The following ABCA13 variants were observed in gnomAD, a reference collection of about 807,000 sequenced individuals.
ABCA13 encodes ATP-binding cassette sub-family A member 13.
A neutral mutation model predicts 478.7 loss-of-function variants in ABCA13; 476 were observed. The ratio of observed to expected loss-of-function variants is 0.99; its 90% CI spans 0.92 to 1.07. ABCA13 has a LOEUF of 1.07. Among genes scored for constraint, ABCA13 ranks in the 50% least tolerant of loss-of-function variants. The probability of loss-of-function intolerance (pLI) is 0.00; values close to 1 mark genes in which losing one functional copy is unlikely to be tolerated. For synonymous variants in ABCA13, 2,252 were observed against 2,158.9 expected (o/e 1.04, Z -1.20); for missense variants, 6,060 against 5,910.6 (o/e 1.03, Z -0.83).
At chr7:48,549,642 C>CT (rs201838546) in intron 55 of ABCA13, among the ~76,000 whole-genome samples, 21,266 of 151,772 alleles carry the variant, frequency 0.14, 2,055 homozygotes, top group African/African-American at 0.23. Flanking sequence ...AATCACCACA[C>CT]GTCTTCCACA....
chr7:48,611,238 T>C (rs189593885), intron 58 of ABCA13, among the ~76,000 whole-genome samples: 2 of 152,324 alleles, frequency 1.3e-5, no homozygotes, highest in African/African-American at 4.8e-5. Context: ...CCTTGACTTA[T>C]TGTCTGTATC....
chr7:48,292,439 G>A (rs1421456999), intron 20 of ABCA13, among the ~76,000 whole-genome samples: 1 of 152,004 alleles, frequency 6.6e-6, no homozygotes, highest in African/African-American at 2.4e-5. Context: ...TCCCTAATGC[G>A]GTAGCCAGAG....
At chr7:48,393,816 C>A (rs1816431349) in intron 38 of ABCA13, among the ~76,000 whole-genome samples, 1 of 152,214 alleles carries the variant, frequency 6.6e-6, no homozygotes, top group South Asian at 2.1e-4. Context: ...TTCCACCCTT[C>A]CTTTTACTTG....
intron 38 of ABCA13, among the ~76,000 whole-genome samples, chr7:48,397,236 C>T (rs1383000642): frequency 2.0e-5 from 3 of 152,000 alleles, no homozygotes; most frequent in Non-Finnish European, 4.4e-5. Context: ...CAGCATATTG[C>T]TAGTTCCAGA....
chr7:48,639,347 T>A (rs2131679257), intron 59 of ABCA13, among the ~76,000 whole-genome samples: 1 of 152,332 alleles, frequency 6.6e-6, no homozygotes, highest in Middle Eastern at 3.4e-3. Flanking sequence ...TGAGGACAGA[T>A]CACTGGAATT....
At chr7:48,518,333 C>G (rs772291895) in intron 52 of ABCA13, among the ~76,000 whole-genome samples, 37 of 152,122 alleles carry the variant, frequency 2.4e-4, no homozygotes, top group Non-Finnish European at 4.4e-4. Context: ...TGGTGAGGAA[C>G]TTGAAAGCAG....
rs1831638257 is a variant in ABCA13 at position 48,511,076 on chromosome 7, C to T, written c.13525-8C>T. The T allele has an allele frequency of 6.2e-7, 1 of 1,607,714 alleles. No homozygotes were observed. The highest frequency in any genetic ancestry group is 8.5e-7 in the Non-Finnish European group (1 of 1,174,418). ...ACAGCTCTCCCTTATTTCTTTTTAT[C>T]TTCTCAGCTCTTTTACTTGGTTTCC... is the stretch of plus-strand genomic sequence containing the variant. On this transcript the variant is annotated splice_polypyrimidine_tract_variant and splice_region_variant and intron_variant, in intron 50 of 61. Coordinates refer to ENST00000435803, the MANE Select transcript of ABCA13 (RefSeq NM_152701.5).
At chr7:48,247,343 C>A (rs776032423) in intron 13 of ABCA13, among the ~76,000 whole-genome samples, 74 of 152,118 alleles carry the variant, frequency 4.9e-4, no homozygotes, top group Non-Finnish European at 8.8e-4. Flanking sequence ...GATGTCAGCT[C>A]TTTCCTGGCA....
chr7:48,329,038 G>T (rs535117253), intron 27 of ABCA13, among the ~76,000 whole-genome samples: 1 of 152,274 alleles, frequency 6.6e-6, no homozygotes, highest in South Asian at 2.1e-4. Flanking sequence ...GCCATTGTTT[G>T]TAAGCAGTAG....
intron 53 of ABCA13, among the ~76,000 whole-genome samples, chr7:48,522,255 G>T (rs1253782198): frequency 1.3e-5 from 2 of 152,152 alleles, no homozygotes; most frequent in Non-Finnish European, 2.9e-5. Flanking sequence ...CCTGTCACCT[G>T]CACCCACTGC....
At chr7:48,201,492 C>T (rs1484963195) in intron 3 of ABCA13, among the ~76,000 whole-genome samples, 5 of 152,102 alleles carry the variant, frequency 3.3e-5, no homozygotes, top group Non-Finnish European at 5.9e-5. Flanking sequence ...GAGGCTGAGG[C>T]GGGTGGATCA....
At chr7:48,439,554 A>C (rs779055533) in intron 42 of ABCA13, among the ~76,000 whole-genome samples, 3 of 152,336 alleles carry the variant, frequency 2.0e-5, no homozygotes, top group Middle Eastern at 3.4e-3. Context: ...CAATTATGAT[A>C]TATGCAGGAG....
At chr7:48,554,034 C>A (rs977054390) in intron 55 of ABCA13, among the ~76,000 whole-genome samples, 30 of 152,134 alleles carry the variant, frequency 2.0e-4, no homozygotes, top group Admixed American at 5.9e-4. Context: ...TAGTTTCATT[C>A]CTCTGCATAT....
At chr7:48,613,779 T>C (rs1381034618) in intron 58 of ABCA13, among the ~76,000 whole-genome samples, 2 of 149,754 alleles carry the variant, frequency 1.3e-5, no homozygotes, top group Non-Finnish European at 3.0e-5. Flanking sequence ...TTTATAATTA[T>C]TTTAAAATTT....
At chr7:48,466,677 T>G (rs2130159414) in intron 43 of ABCA13, among the ~76,000 whole-genome samples, 2 of 152,322 alleles carry the variant, frequency 1.3e-5, no homozygotes, top group Middle Eastern at 6.8e-3. Flanking sequence ...GGTGTTATAT[T>G]AAGTGAAAAT....
intron 3 of ABCA13, among the ~76,000 whole-genome samples, chr7:48,210,621 T>A (rs547903382): frequency 6.6e-6 from 1 of 152,266 alleles, no homozygotes; most frequent in Admixed American, 6.5e-5. Flanking sequence ...GGGCATATTG[T>A]TCACTATTTC....
At chr7:48,208,545 G>A (rs1253869201) in intron 3 of ABCA13, among the ~76,000 whole-genome samples, 2 of 151,834 alleles carry the variant, frequency 1.3e-5, no homozygotes, top group African/African-American at 2.4e-5. Context: ...TTTATTCCTA[G>A]GTATGTTATT....
rs969007462 is a variant in ABCA13, at chr7:48,445,193, G to C, written c.12566-9844G>C. Among the ~76,000 whole-genome samples, 7 of 151,980 alleles carry C rather than the reference G, an allele frequency of 4.6e-5. No individual in the cohort carries two copies. In the East Asian group the frequency reaches 1.4e-3, roughly 29 times the overall value. On this transcript the variant is annotated intron_variant, in intron 42 of 61. Transcript: ENST00000435803. ...CCAGCTAATTTTTGTATTTTTAGTA[G>C]AGATGGGGTTTCACCATGTTGATCA...
chr7:48,217,191 G>A (rs563819508), intron 3 of ABCA13, among the ~76,000 whole-genome samples: 1 of 152,254 alleles, frequency 6.6e-6, no homozygotes, highest in South Asian at 2.1e-4. Flanking sequence ...AGTTGACCTA[G>A]TACTGTCCTC....
Sources: allele counts gnomAD v4.1 joint callset (sites outside exome capture counted in the v4.1 genomes callset), GRCh38; gene constraint gnomAD v4.1.1; transcripts MANE v1.5; gene names NCBI Gene and HGNC (gene_info 2026-07-23, HGNC 2026-07-21).